NDST4: variants seen among roughly 807,000 people sequenced by gnomAD.
NDST4 encodes N-heparan sulfate sulfotransferase 4.
In NDST4, 63 loss-of-function variants were observed where a neutral mutation model predicts 100.8. That is an observed-to-expected ratio of 0.62 (90% confidence interval 0.51 to 0.77). NDST4 has a LOEUF of 0.77. Among genes scored for constraint, NDST4 ranks in the 30% least tolerant of loss-of-function variants. NDST4 has a pLI of 0.00. For synonymous variants in NDST4, 377 were observed against 361.8 expected, an observed-to-expected ratio of 1.04 and a Z score of -0.48; for missense variants, 943 against 1,018.4, an observed-to-expected ratio of 0.93 and a Z score of 1.01.
At chr4:114,835,240 T>C (rs916053185) in intron 11 of NDST4, among the ~76,000 whole-genome samples, 5 of 152,210 alleles carry the variant, frequency 3.3e-5, no homozygotes, top group African/African-American at 1.2e-4. Context: ...CTTTCCAGCT[T>C]TCTGTTGTCA....
chr4:115,028,714 T>G (rs950617779), intron 2 of NDST4, among the ~76,000 whole-genome samples: 1 of 152,072 alleles, frequency 6.6e-6, no homozygotes, highest in African/African-American at 2.4e-5. Flanking sequence ...AAAAGACTAA[T>G]TATGAATAGG....
In NDST4 at chr4:114,870,767, C is replaced by T. The variant is rs1724130358; in HGVS notation, c.1719+1G>A. The T allele has an allele frequency of 6.3e-7, 1 of 1,593,940 alleles. No homozygotes were observed. The highest frequency in any genetic ancestry group is 8.5e-7 in the Non-Finnish European group (1 of 1,172,758). On this transcript the variant is annotated splice_donor_variant, in intron 7 of 13. Coordinates refer to ENST00000264363, the MANE Select transcript of NDST4 (RefSeq NM_022569.3). LOFTEE classifies it high-confidence loss of function. The stretch of plus-strand genomic sequence containing the variant: ...CCCCAAGAGAGAATGTTAAATGTTA[C>T]CTGCCATAGAGGGTCTTTCTGCTCA...
intron 4 of NDST4, among the ~76,000 whole-genome samples, chr4:114,944,617 A>T (rs1725820468): frequency 6.6e-6 from 1 of 152,230 alleles, no homozygotes; most frequent in South Asian, 2.1e-4. Flanking sequence ...AACACAGATT[A>T]ACACTATGGT....
intron 1 of NDST4, among the ~76,000 whole-genome samples, chr4:115,087,351 T>C (rs913460663): frequency 1.3e-5 from 2 of 152,120 alleles, no homozygotes; most frequent in African/African-American, 4.8e-5. Context: ...TCAGCAAATA[T>C]ATGTATTAAC....
chr4:115,006,733 G>T (rs1317545108), intron 2 of NDST4, among the ~76,000 whole-genome samples: 1 of 152,020 alleles, frequency 6.6e-6, no homozygotes, highest in Non-Finnish European at 1.5e-5. Context: ...AGAGGATTCT[G>T]GAGTTGTCAT....
chr4:114,958,672 T>C (rs1726194316), intron 4 of NDST4, among the ~76,000 whole-genome samples: 1 of 152,134 alleles, frequency 6.6e-6, no homozygotes, highest in Non-Finnish European at 1.5e-5. Flanking sequence ...CCTCATGACT[T>C]GTGATGGGAG....
chr4:115,035,616 T>A (rs757828208), intron 2 of NDST4, among the ~76,000 whole-genome samples: 1 of 152,124 alleles, frequency 6.6e-6, no homozygotes, highest in Non-Finnish European at 1.5e-5. Flanking sequence ...TGCTGTGTTA[T>A]TTAAAACATA....
At position 114,970,477 on chromosome 4, in the gene NDST4, C is replaced by G. The variant is rs74913687; in HGVS notation, c.1174G>C (p.Glu392Gln). ...SHMQPHLFHN[E>Q]SSLVEQMILN... The stretch of plus-strand genomic sequence containing the variant: ...ATCATCTGCTCTACTAAAGATGACT[C>G]GTTGTGGAAGAGGTGGGGCTGCATG... The change falls in exon 4 of 14, where the codon GAG (glutamate) becomes CAG (glutamine). Residue 392 changes from glutamate to glutamine, a missense_variant. Physicochemically the swap from Glu to Gln is conservative, Grantham distance 29 (BLOSUM62 2). This residue lies in a region of NDST4 where 526 missense variants were observed against 634.1 expected (regional missense o/e 0.83). Coordinates refer to ENST00000264363, the MANE Select transcript of NDST4 (RefSeq NM_022569.3). The G allele has an allele frequency of 4.5e-5, 72 of 1,613,884 alleles. No homozygotes were observed. The highest frequency in any genetic ancestry group is 5.9e-5 in the Non-Finnish European group (70 of 1,179,920).
chr4:114,827,765 T>TA lies in NDST4; in HGVS notation c.*50_*51insT. ...GCTTGAGAATAAAGGTGGATTTATT[T>TA]TTTTTTTAACACTAAAAGTATCTTG... is the stretch of plus-strand genomic sequence containing the variant. On this transcript the variant is annotated 3_prime_UTR_variant, in exon 14 of 14. Transcript: ENST00000264363. 2 of 1,581,184 alleles carry TA rather than the reference T, an allele frequency of 1.3e-6. No homozygotes were observed. The highest frequency in any genetic ancestry group is 1.2e-5 in the South Asian group (1 of 85,318).
intron 4 of NDST4, among the ~76,000 whole-genome samples, chr4:114,950,312 A>T (rs1206875001): frequency 3.9e-5 from 6 of 152,040 alleles, no homozygotes. Context: ...TGGAAATAAA[A>T]TTTTATTGTC....
chr4:114,976,167 G>T (rs1207967263), intron 3 of NDST4, among the ~76,000 whole-genome samples: 2 of 151,862 alleles, frequency 1.3e-5, no homozygotes, highest in Non-Finnish European at 2.9e-5. Context: ...AGTAAACAAG[G>T]TATTTATGAA....
chr4:114,982,696 A>C (rs1367236978), intron 2 of NDST4, among the ~76,000 whole-genome samples: 1 of 152,242 alleles, frequency 6.6e-6, no homozygotes, highest in Non-Finnish European at 1.5e-5. Context: ...AGCCCAAGCC[A>C]GCTGCAGACA....
chr4:114,929,895 C>A (rs1180821743), intron 6 of NDST4, among the ~76,000 whole-genome samples: 1 of 152,100 alleles, frequency 6.6e-6, no homozygotes, highest in African/African-American at 2.4e-5. Flanking sequence ...GCACCAGTAA[C>A]AATCACACCT....
intron 2 of NDST4, among the ~76,000 whole-genome samples, chr4:114,980,952 C>T (rs896156160): frequency 2.0e-5 from 3 of 151,900 alleles, no homozygotes; most frequent in Non-Finnish European, 4.4e-5. Flanking sequence ...GTGGCTCACG[C>T]CTATATTACT....
chr4:114,855,785 G>T (rs1196189032), intron 7 of NDST4, among the ~76,000 whole-genome samples: 1 of 151,958 alleles, frequency 6.6e-6, no homozygotes. Flanking sequence ...TTAATTTTAG[G>T]ATTATTTTTT....
At chr4:114,850,610 G>A (rs78178076) in intron 8 of NDST4, among the ~76,000 whole-genome samples, 11,130 of 151,884 alleles carry the variant, frequency 0.073, 463 homozygotes, top group African/African-American at 0.09. Context: ...TGGAAGAAGA[G>A]GAAAAAATCC....
chr4:115,000,430 A>G (rs1441102621), intron 2 of NDST4, among the ~76,000 whole-genome samples: 1 of 152,084 alleles, frequency 6.6e-6, no homozygotes, highest in Non-Finnish European at 1.5e-5. Flanking sequence ...ATGATGATAA[A>G]TCACAAAGCT....
intron 6 of NDST4, among the ~76,000 whole-genome samples, chr4:114,901,640 T>C: frequency 6.6e-6 from 1 of 152,032 alleles, no homozygotes; most frequent in Non-Finnish European, 1.5e-5. Flanking sequence ...ATGTGATCAC[T>C]GATATAGCCA....
At chr4:114,858,023 T>A (rs187683705) in intron 7 of NDST4, among the ~76,000 whole-genome samples, 2 of 152,290 alleles carry the variant, frequency 1.3e-5, no homozygotes, top group African/African-American at 4.8e-5. Flanking sequence ...TAACCTCTGT[T>A]GTCAACTAAC....
Sources: gnomAD v4.1 joint callset for allele counts (sites outside exome capture counted in the v4.1 genomes callset) on GRCh38, gnomAD v4.1.1 for gene constraint, gnomAD v4.1.1 regional missense constraint, MANE v1.5 for transcripts, NCBI Gene and HGNC (gene_info 2026-07-23, HGNC 2026-07-21) for gene names.